Variants in SDCCAG8 observed in about 807,000 individuals in gnomAD.
SDCCAG8 encodes serologically defined colon cancer antigen 8.
Under a neutral mutation model 101.8 loss-of-function variants are expected in SDCCAG8, and 74 were observed. The observed-to-expected ratio is 0.73, with a 90% confidence interval of 0.60 to 0.88. The LOEUF (loss-of-function observed/expected upper bound fraction) is 0.88, where lower values mean the gene tolerates loss of function less well. Ranked by LOEUF, SDCCAG8 falls within the 40% of genes least tolerant of loss-of-function variation. SDCCAG8 has a pLI of 0.00. For synonymous variants in SDCCAG8, 281 were observed against 292.9 expected (o/e 0.96, Z 0.41); for missense variants, 787 against 822.6 (o/e 0.96, Z 0.53).
chr1:243,279,288 T>C (rs1027581542), intron 4 of SDCCAG8, among the ~76,000 whole-genome samples: 12 of 152,202 alleles, frequency 7.9e-5, no homozygotes, highest in African/African-American at 2.9e-4. Flanking sequence ...TCCTAGTTAC[T>C]GAGAGTACAG....
chr1:243,438,732 G>A (rs1287402391), intron 16 of SDCCAG8, among the ~76,000 whole-genome samples: 1 of 152,182 alleles, frequency 6.6e-6, no homozygotes, highest in Non-Finnish European at 1.5e-5. Flanking sequence ...AGCGTTTTCA[G>A]TACCATGAGG....
rs144175513 is a variant in SDCCAG8 at position 243,444,675 on chromosome 1, G to A, written c.1985+18117G>A. 3.2e-3 allele frequency among the ~76,000 whole-genome samples: 483 copies of A among 152,234 alleles called. 1 individual carries two copies. The highest frequency in any genetic ancestry group is 0.01 in the African/African-American group (433 of 41,544). Reference sequence around the variant, plus strand: ...TAGGATTACAGGCGTGAGCCACTGCGCCTGGCCAGATCTAAAGATCTGAAA... The same window carrying A: ...TAGGATTACAGGCGTGAGCCACTGCACCTGGCCAGATCTAAAGATCTGAAA... On this transcript the variant is annotated intron_variant, in intron 16 of 17. Transcript: ENST00000366541.
intron 10 of SDCCAG8, among the ~76,000 whole-genome samples, chr1:243,333,921 A>G (rs2074809013): frequency 6.6e-6 from 1 of 151,206 alleles, no homozygotes; most frequent in Non-Finnish European, 1.5e-5. Flanking sequence ...TTCCATGTAT[A>G]TATAGCCTTA....
chr1:243,281,717 C>G (rs2069070285), intron 4 of SDCCAG8, among the ~76,000 whole-genome samples: 1 of 144,364 alleles, frequency 6.9e-6, no homozygotes, highest in Non-Finnish European at 1.5e-5. Flanking sequence ...AATCAAAGCT[C>G]ACTACAGCCT....
chr1:243,412,402 C>A (rs1167406263), intron 13 of SDCCAG8, among the ~76,000 whole-genome samples: 8 of 152,094 alleles, frequency 5.3e-5, no homozygotes, highest in Non-Finnish European at 1.0e-4. Context: ...AAGGCCCGTG[C>A]ATAAATCTCA....
chr1:243,319,765 C>T (rs530395398), intron 9 of SDCCAG8, among the ~76,000 whole-genome samples: 4 of 152,266 alleles, frequency 2.6e-5, no homozygotes, highest in Admixed American at 2.6e-4. Context: ...TGCTGATACA[C>T]AAAACACTAA....
At chr1:243,275,453 C>G (rs997361307) in intron 4 of SDCCAG8, among the ~76,000 whole-genome samples, 3 of 152,144 alleles carry the variant, frequency 2.0e-5, no homozygotes, top group Non-Finnish European at 4.4e-5. Flanking sequence ...CAGTATGTAA[C>G]TTAAGGAGGC....
chr1:243,271,500 T>G (rs1432723874), intron 3 of SDCCAG8, among the ~76,000 whole-genome samples: 2 of 151,820 alleles, frequency 1.3e-5, no homozygotes, highest in Non-Finnish European at 2.9e-5. Context: ...TTTGTAATAT[T>G]TTTTAAATTT....
At chr1:243,276,920 G>A (rs558780234) in intron 4 of SDCCAG8, among the ~76,000 whole-genome samples, 1 of 151,952 alleles carries the variant, frequency 6.6e-6, no homozygotes, top group Non-Finnish European at 1.5e-5. Context: ...TTTCTGACTG[G>A]CCTATTATAC....
intron 16 of SDCCAG8, among the ~76,000 whole-genome samples, chr1:243,450,910 C>T (rs1422595703): frequency 1.3e-5 from 2 of 152,158 alleles, no homozygotes; most frequent in East Asian, 1.9e-4. Flanking sequence ...CCTTCCGCCT[C>T]GGCCTCCCAA....
chr1:243,437,099 A>T (rs974333452), intron 16 of SDCCAG8, among the ~76,000 whole-genome samples: 1 of 152,206 alleles, frequency 6.6e-6, no homozygotes, highest in Non-Finnish European at 1.5e-5. Flanking sequence ...TCATTATCTT[A>T]ACTCTTAAGA....
At chr1:243,397,212 A>G (rs1334390741) in intron 13 of SDCCAG8, among the ~76,000 whole-genome samples, 2 of 152,206 alleles carry the variant, frequency 1.3e-5, no homozygotes, top group East Asian at 3.8e-4. Flanking sequence ...AGAGGAAGGT[A>G]AAAATTCACA....
chr1:243,475,886 C>T, intron 16 of SDCCAG8: 3 of 972,680 alleles, frequency 3.1e-6, no homozygotes, highest in Admixed American at 6.2e-5. Flanking sequence ...AATTTTGCAG[C>T]CCAAATATTA....
chr1:243,481,861 T>G (rs1165672610), intron 16 of SDCCAG8, among the ~76,000 whole-genome samples: 1 of 152,082 alleles, frequency 6.6e-6, no homozygotes, highest in Non-Finnish European at 1.5e-5. Flanking sequence ...CCAGGGGGAA[T>G]TGTCCAGTGA....
chr1:243,378,694 T>A (rs1209464899), intron 12 of SDCCAG8, 27 bp from the exon 13 acceptor site: 1 of 1,612,544 alleles, frequency 6.2e-7, no homozygotes, highest in Admixed American at 1.7e-5. Flanking sequence ...TTTATATGGA[T>A]GCTTTTTCCC....
intron 1 of SDCCAG8, among the ~76,000 whole-genome samples, chr1:243,257,370 GCCT>G (rs925396620): frequency 3.9e-5 from 6 of 151,960 alleles, no homozygotes; most frequent in Non-Finnish European, 7.4e-5. Flanking sequence ...ATGTGTCAGT[GCCT>G]CCTACTATGT....
intron 1 of SDCCAG8, among the ~76,000 whole-genome samples, chr1:243,258,183 TAAAC>T (rs2066914468): frequency 7.2e-6 from 1 of 138,474 alleles, no homozygotes; most frequent in African/African-American, 2.6e-5. Flanking sequence ...TAGAAAAAGT[TAAAC>T]AACTTAAAAA....
At position 243,402,875 on chromosome 1, in the gene SDCCAG8, TGAG is replaced by T; in HGVS notation, c.1617-12815_1617-12813del. On this transcript the variant is annotated intron_variant, in intron 13 of 17. Coordinates refer to ENST00000366541, the MANE Select transcript of SDCCAG8 (RefSeq NM_006642.5). The stretch of plus-strand genomic sequence containing the variant: ...GTCTTTTTCTGAAGAATCGCCACTT[TGAG>T]GAGGAGGAGGAAGAGAGAGGAAGCT... Among the ~76,000 whole-genome samples, 7 of 152,272 alleles carry T rather than the reference TGAG, an allele frequency of 4.6e-5. No individual in the cohort carries two copies. The South Asian group carries it at 1.4e-3, about 32-fold the overall frequency.
intron 1 of SDCCAG8, among the ~76,000 whole-genome samples, chr1:243,265,186 T>C (rs1558202302): frequency 1.3e-5 from 2 of 152,220 alleles, no homozygotes; most frequent in Non-Finnish European, 2.9e-5. Context: ...ATTATGCTGG[T>C]TTGTTATGTA....
Sources: gnomAD v4.1 joint callset for allele counts (sites outside exome capture counted in the v4.1 genomes callset) on GRCh38, gnomAD v4.1.1 for gene constraint, MANE v1.5 for transcripts, NCBI Gene and HGNC (gene_info 2026-07-23, HGNC 2026-07-21) for gene names.